ZDHHC14: variants seen among roughly 807,000 people sequenced by gnomAD.
ZDHHC14 encodes palmitoyltransferase ZDHHC14.
ZDHHC14 carries 16 observed loss-of-function variants against 47.7 expected under a neutral mutation model. The observed-to-expected ratio is 0.34, with a 90% CI of 0.23 to 0.51. The LOEUF is 0.51. Among genes scored for constraint, ZDHHC14 ranks in the 20% least tolerant of loss-of-function variants. The pLI is 0.97. For missense variants in ZDHHC14, 515 were observed against 662.5 expected (o/e 0.78, Z 2.44); for synonymous variants, 293 against 278.9 (o/e 1.05, Z -0.50).
chr6:157,421,304 G>A (rs566368881), intron 1 of ZDHHC14, among the ~76,000 whole-genome samples: 3 of 151,474 alleles, frequency 2.0e-5, no homozygotes, highest in Admixed American at 6.6e-5. Context: ...TCGAGACCAC[G>A]GTGAAACCAC....
At chr6:157,579,190 GTTTTTTT>G (rs1187065924) in intron 2 of ZDHHC14, among the ~76,000 whole-genome samples, 8 of 63,966 alleles carry the variant, frequency 1.3e-4, no homozygotes, top group Admixed American at 4.4e-4. Context: ...TTGATTCTGT[GTTTTTTT>G]TTTTTTTTTT....
At chr6:157,593,177 A>T in intron 3 of ZDHHC14, 31 bp downstream of exon 3, 1 of 1,588,238 alleles carries the variant, frequency 6.3e-7, no homozygotes. Context: ...GCCTGGCGGG[A>T]GCCCGGGTCC....
At chr6:157,486,116 A>C (rs563747453) in intron 1 of ZDHHC14, among the ~76,000 whole-genome samples, 1 of 152,276 alleles carries the variant, frequency 6.6e-6, no homozygotes, top group South Asian at 2.1e-4. Flanking sequence ...GGTGTTTATC[A>C]TTCCATGCTA....
intron 8 of ZDHHC14, among the ~76,000 whole-genome samples, chr6:157,655,784 C>T (rs777767605): frequency 1.3e-5 from 2 of 152,154 alleles, no homozygotes; most frequent in African/African-American, 2.4e-5. Context: ...AATTGACCAC[C>T]GATGGCAAAT....
At chr6:157,541,136 A>G (rs556689631) in intron 1 of ZDHHC14, among the ~76,000 whole-genome samples, 1 of 152,136 alleles carries the variant, frequency 6.6e-6, no homozygotes, top group South Asian at 2.1e-4. Context: ...TTTTTGAGCT[A>G]TTTGGGAGTA....
At position 157,533,397 on chromosome 6, in the gene ZDHHC14, G is replaced by C. The variant is rs553354829; in HGVS notation, c.246-9188G>C. ...GGAGACGGGATGGCTGGTCATAGGA[G>C]GGCTGCAGTTTGGAGATTGTGTGCA... On this transcript the variant is annotated intron_variant, in intron 1 of 8. Transcript: ENST00000359775. Among the ~76,000 whole-genome samples the C allele has an allele frequency of 4.6e-5, 7 of 152,312 alleles. 1 individual carries two copies. In the South Asian group the frequency reaches 1.4e-3, roughly 32 times the overall value.
intron 1 of ZDHHC14, among the ~76,000 whole-genome samples, chr6:157,421,292 G>A (rs1177155852): frequency 4.6e-5 from 7 of 151,752 alleles, no homozygotes; most frequent in Admixed American, 2.6e-4. Flanking sequence ...GAGGTCAGGA[G>A]ATCGAGACCA....
rs1027486834 is a variant in ZDHHC14, at chr6:157,673,835, T to C, written c.*713T>C. 3.9e-5 allele frequency: 6 copies of C among 152,634 alleles called. No homozygotes were observed. The highest frequency in any genetic ancestry group is 1.4e-4 in the African/African-American group (6 of 41,438). 9.5% of individuals were successfully genotyped at this position (152,634 alleles called of 1,614,324 possible). On this transcript the variant is annotated 3_prime_UTR_variant, in exon 9 of 9. Coordinates refer to ENST00000359775, the MANE Select transcript of ZDHHC14 (RefSeq NM_024630.3). The surrounding 1 kb of genome is among the most constrained non-coding windows in gnomAD (Gnocchi z 5.4). ...CTTCACCTTCTGTTTGGCCGCTCGA[T>C]GAGGTCTCGTGTTGAGATATTGTGT...
intron 1 of ZDHHC14, among the ~76,000 whole-genome samples, chr6:157,437,952 C>T (rs1429195240): frequency 6.6e-6 from 1 of 151,588 alleles, no homozygotes; most frequent in Non-Finnish European, 1.5e-5. Flanking sequence ...TTATAATTTA[C>T]TTGGTTTTCT....
chr6:157,592,889 G>A (rs1241764109), intron 2 of ZDHHC14, 99 bp from the exon 3 acceptor site: 6 of 1,501,456 alleles, frequency 4.0e-6, no homozygotes, highest in Non-Finnish European at 4.4e-6. Context: ...GCCAGCCGCT[G>A]TGCCTGCTGC....
At chr6:157,475,166 A>C (rs1325154936) in intron 1 of ZDHHC14, among the ~76,000 whole-genome samples, 1 of 152,110 alleles carries the variant, frequency 6.6e-6, no homozygotes, top group Non-Finnish European at 1.5e-5. Context: ...GTGTTTTAGG[A>C]AACTTGTTGA....
chr6:157,634,256 G>C (rs1284911770), intron 5 of ZDHHC14, among the ~76,000 whole-genome samples: 1 of 152,030 alleles, frequency 6.6e-6, no homozygotes, highest in African/African-American at 2.4e-5. Context: ...ATGGGGCCTG[G>C]GACATAAGGA....
At chr6:157,597,620 A>T (rs1372673935) in intron 3 of ZDHHC14, among the ~76,000 whole-genome samples, 1 of 152,248 alleles carries the variant, frequency 6.6e-6, no homozygotes, top group African/African-American at 2.4e-5. Context: ...CTAGAGGTTC[A>T]GAGGTGGCCT....
chr6:157,601,915 C>T (rs368237705), intron 3 of ZDHHC14, among the ~76,000 whole-genome samples: 1 of 152,192 alleles, frequency 6.6e-6, no homozygotes, highest in African/African-American at 2.4e-5. Context: ...ATAAAGAATG[C>T]ATTCAGGGCT....
rs143808069 is a variant in ZDHHC14, at chr6:157,400,016, A to G, written c.245+17750A>G. 1.1e-3 allele frequency among the ~76,000 whole-genome samples: 170 copies of G among 152,334 alleles called. 2 individuals are homozygous for G. Among genetic ancestry groups the G allele is most frequent in the African/African-American group, 2.8e-3 (117 of 41,576 alleles). ...TATGGTAACCTCCTTCTCCATTACC[A>G]TGTGTAATTTATATACTGAAATACA... On this transcript the variant is annotated intron_variant, in intron 1 of 8. Coordinates refer to ENST00000359775, the MANE Select transcript of ZDHHC14 (RefSeq NM_024630.3).
intron 1 of ZDHHC14, among the ~76,000 whole-genome samples, chr6:157,498,270 C>A (rs1291728811): frequency 6.7e-4 from 93 of 139,848 alleles, no homozygotes; most frequent in African/African-American, 1.1e-3. Context: ...GACCACATCT[C>A]AAAAAAAAAA....
intron 1 of ZDHHC14, among the ~76,000 whole-genome samples, chr6:157,499,603 A>G (rs1780149926): frequency 2.0e-5 from 3 of 152,126 alleles, no homozygotes; most frequent in Admixed American, 2.0e-4. Context: ...AACCTGCCTC[A>G]CCAAAAGGGT....
At chr6:157,455,293 G>A (rs908004196) in intron 1 of ZDHHC14, among the ~76,000 whole-genome samples, 2 of 152,240 alleles carry the variant, frequency 1.3e-5, no homozygotes, top group Non-Finnish European at 1.5e-5. Flanking sequence ...CTCTAGAGAT[G>A]CCTTCACAAG....
intron 7 of ZDHHC14, among the ~76,000 whole-genome samples, chr6:157,650,070 G>A (rs73791278): frequency 0.14 from 18,897 of 132,018 alleles, 2,599 homozygotes; most frequent in African/African-American, 0.24. Flanking sequence ...AGGCGCTGTG[G>A]GTGCACGGGA....
Sources: gnomAD v4.1 joint callset for allele counts (sites outside exome capture counted in the v4.1 genomes callset) on GRCh38, gnomAD v4.1.1 for gene constraint, Gnocchi (gnomAD v3.1) non-coding constraint, MANE v1.5 for transcripts, NCBI Gene and HGNC (gene_info 2026-07-23, HGNC 2026-07-21) for gene names.